Variants in PNISR observed in about 807,000 individuals in gnomAD.
The protein encoded by PNISR is PNN interacting serine and arginine rich protein, also known as arginine/serine-rich protein PNISR.
Under a neutral mutation model 93.4 loss-of-function variants are expected in PNISR, and 20 were observed. The ratio of observed to expected loss-of-function variants is 0.21; its 90% confidence interval spans 0.15 to 0.31. The LOEUF (loss-of-function observed/expected upper bound fraction) is 0.31, where lower values mean the gene tolerates loss of function less well. PNISR is among the 10% of genes least tolerant of loss of function. PNISR has a pLI of 1.00. For synonymous variants in PNISR, 305 were observed against 306.5 expected (o/e 0.99, Z 0.05); for missense variants, 893 against 985.4 (o/e 0.91, Z 1.25).
chr6:99,412,091 T>G, intron 4 of PNISR: 2 of 314,646 alleles, frequency 6.4e-6, no homozygotes, highest in East Asian at 1.5e-4. Context: ...CTTCACTATC[T>G]GAAAAAAAAA....
chr6:99,422,944 T>C (rs1778800364), intron 1 of PNISR, among the ~76,000 whole-genome samples: 1 of 141,934 alleles, frequency 7.0e-6, no homozygotes, highest in South Asian at 2.3e-4. Context: ...CCAATAATAA[T>C]TTAAAAATAA....
At chr6:99,407,506 T>C (rs1018245640) in intron 7 of PNISR, among the ~76,000 whole-genome samples, 2 of 152,142 alleles carry the variant, frequency 1.3e-5, no homozygotes, top group African/African-American at 4.8e-5. Flanking sequence ...CTAGTTATTT[T>C]GCTCTTCTTG....
intron 8 of PNISR, among the ~76,000 whole-genome samples, chr6:99,405,343 T>C (rs1582778509): frequency 6.6e-6 from 1 of 151,956 alleles, no homozygotes; most frequent in African/African-American, 2.4e-5. Context: ...GGTGGGCACC[T>C]GCAATCCCAA....
chr6:99,403,706 C>A, intron 10 of PNISR, 123 bp downstream of exon 10: 4 of 617,870 alleles, frequency 6.5e-6, no homozygotes, highest in Admixed American at 3.5e-5. Context: ...ATGACATAAC[C>A]CTAAGACCTA....
At chr6:99,416,217 G>A (rs1371298164) in intron 2 of PNISR, 132 bp downstream of exon 2, 5 of 390,152 alleles carry the variant, frequency 1.3e-5, no homozygotes, top group Admixed American at 4.5e-5. Flanking sequence ...TCCCAAGTAC[G>A]CCTTTAGACT....
chr6:99,414,511 T>C (rs988669037), intron 3 of PNISR, 61 bp downstream of exon 3: 5 of 821,036 alleles, frequency 6.1e-6, no homozygotes, highest in Non-Finnish European at 1.1e-5. Context: ...TCCCATCATG[T>C]GTCTTCTACC....
At chr6:99,420,512 A>G (rs1778413523) in intron 1 of PNISR, among the ~76,000 whole-genome samples, 1 of 152,242 alleles carries the variant, frequency 6.6e-6, no homozygotes, top group South Asian at 2.1e-4. Context: ...GCAAGGATTT[A>G]GGAACACTAC....
At chr6:99,402,972 T>C (rs1775713538) in intron 10 of PNISR, 2 of 266,956 alleles carry the variant, frequency 7.5e-6, no homozygotes, top group East Asian at 6.6e-5. Context: ...TTTGCTGTAC[T>C]GTCCATACTA....
chr6:99,403,880 G>T lies in PNISR; in HGVS notation c.1105C>A (p.Pro369Thr). 1.2e-6 allele frequency: 2 copies of T among 1,612,498 alleles called. No individual in the cohort carries two copies. The highest frequency in any genetic ancestry group is 1.7e-6 in the Non-Finnish European group (2 of 1,178,864). The change falls in exon 10 of 12, where the codon CCT becomes ACT. Residue 369 changes from proline to threonine, a missense_variant and splice_region_variant. By Grantham distance (38) the Pro-to-Thr change is conservative. This residue lies in a region of PNISR where 866 missense variants were observed against 935.1 expected (regional missense o/e 0.93). Transcript: ENST00000369239. ...CTGGACTGTGCCAGCTGTTTTGCAGGAGCTTTGTATCACATCAACAACAGG... is the reference window on the plus strand; with the variant it reads ...CTGGACTGTGCCAGCTGTTTTGCAGTAGCTTTGTATCACATCAACAACAGG... ...KDAHRKATKA[P>T]AKQLAQSSAL...
chr6:99,407,065 A>G (rs1351071671), intron 7 of PNISR, among the ~76,000 whole-genome samples: 2 of 152,124 alleles, frequency 1.3e-5, no homozygotes, highest in Non-Finnish European at 2.9e-5. Context: ...AATGTCTGTA[A>G]TCCCAGCACT....
chr6:99,402,614 C>T lies in PNISR; in HGVS notation c.1253G>A (p.Arg418Gln), dbSNP rs752109460. The stretch of plus-strand genomic sequence containing the variant: ...AAAAGCTTCCTGTTTTTGCCGGATT[C>T]GATGCCGTAATTCTTCATCATCAGT... ...SDTDDEELRH[R>Q]IRQKQEAFWR... is the part of the protein sequence containing the mutation. Residue 418 changes from arginine (R) to glutamine (Q), a missense_variant, in exon 11 of 12, where the codon CGA (arginine) becomes CAA (glutamine). By Grantham distance (43) the Arg-to-Gln change is conservative. Around this residue, in one of 3 missense-constraint regions of PNISR, gnomAD observed 866 missense variants for 935.1 expected, o/e 0.93. Transcript: ENST00000369239. The T allele has an allele frequency of 1.8e-5, 29 of 1,613,558 alleles. No homozygotes were observed. Among genetic ancestry groups the T allele is most frequent in the South Asian group, 1.2e-4 (11 of 91,050 alleles).
Position 99,398,415 on chromosome 6 carries a change from T to C in PNISR, c.*2125A>G, listed in dbSNP as rs1252982532. The C allele has an allele frequency of 6.6e-6, 1 of 152,126 alleles. No homozygotes were observed. The highest frequency in any genetic ancestry group is 2.4e-5 in the African/African-American group (1 of 41,458). 9.4% of individuals were successfully genotyped at this position (152,126 alleles called of 1,614,324 possible). A position where few individuals can be genotyped will look rare whatever the true frequency, so the allele number is the denominator to read the frequency against. On this transcript the variant is annotated 3_prime_UTR_variant, in exon 12 of 12. Coordinates refer to ENST00000369239, the MANE Select transcript of PNISR (RefSeq NM_032870.4). ...TACCACTCAAGGTAAATAAATACTA[T>C]ATCACATGTCAAGAAAATAAAGAAT...
intron 1 of PNISR, among the ~76,000 whole-genome samples, chr6:99,421,031 C>T (rs896702002): frequency 6.6e-5 from 10 of 152,174 alleles, no homozygotes; most frequent in African/African-American, 9.7e-5. Flanking sequence ...AATATTGCTA[C>T]TGTGATTTTA....
At chr6:99,417,907 G>A (rs1777924000) in intron 1 of PNISR, among the ~76,000 whole-genome samples, 1 of 146,136 alleles carries the variant, frequency 6.8e-6, no homozygotes, top group South Asian at 2.2e-4. Flanking sequence ...GGCGGAGGTT[G>A]CAGTGAGCCG....
In PNISR at chr6:99,408,159, T is replaced by C. The variant is rs41288027; in HGVS notation, c.786A>G (p.Gln262=). The change falls in exon 7 of 12, where the codon CAA becomes CAG. Residue 262 remains glutamine, a synonymous_variant. Transcript: ENST00000369239. The part of the protein sequence containing the change: ...EKERMEQQRS[Q]LSKKEKKATE... The stretch of plus-strand genomic sequence containing the variant: ...TGGCCTTTTTTTCTTTTTTGGACAA[T>C]TGTGAACGTTGTTGTTCCATTCTTT... The C allele has an allele frequency of 1.6e-5, 26 of 1,613,680 alleles. No homozygotes were observed. The highest frequency in any genetic ancestry group is 1.6e-4 in the Middle Eastern group (1 of 6,062).
chr6:99,417,668 T>TA (rs994256752), intron 1 of PNISR, among the ~76,000 whole-genome samples: 3 of 151,702 alleles, frequency 2.0e-5, no homozygotes, highest in Non-Finnish European at 4.4e-5. Context: ...TAGGGGGTTT[T>TA]AAAAAAAAGG....
intron 10 of PNISR, chr6:99,403,412 CTATG>C (rs1775763983): frequency 6.5e-6 from 1 of 152,898 alleles, no homozygotes; most frequent in Non-Finnish European, 1.5e-5. Flanking sequence ...GCAACACAAT[CTATG>C]TAAGTTATTA....
chr6:99,401,450 T>C lies in PNISR; in HGVS notation c.1508A>G (p.Glu503Gly). 6.2e-7 allele frequency: 1 copy of C among 1,609,536 alleles called. No homozygotes were observed. Among genetic ancestry groups the C allele is most frequent in the South Asian group, 1.1e-5 (1 of 90,238 alleles). ...TCCCGACCTACTCCTTCCTTGTTTT[T>C]CTTTTTCTTTATGCTCTTTTTTTGG... ...LEPKKEHKEK[E>G]KQGRSRSGSS... Residue 503 changes from glutamate (E) to glycine (G), a missense_variant, in exon 12 of 12, where the codon GAA (glutamate) becomes GGA (glycine). Coordinates refer to ENST00000369239, the MANE Select transcript of PNISR (RefSeq NM_032870.4).
At chr6:99,422,996 G>A (rs939410459) in intron 1 of PNISR, among the ~76,000 whole-genome samples, 3 of 150,484 alleles carry the variant, frequency 2.0e-5, no homozygotes, top group Non-Finnish European at 4.4e-5. Context: ...GTAGCAACAA[G>A]CACACCTAGG....
Sources: allele counts gnomAD v4.1 joint callset (sites outside exome capture counted in the v4.1 genomes callset), GRCh38; gene constraint gnomAD v4.1.1; regional missense constraint gnomAD v4.1.1; transcripts MANE v1.5; gene names NCBI Gene and HGNC (gene_info 2026-07-23, HGNC 2026-07-21).